PSMA6: variants seen among roughly 807,000 people sequenced by gnomAD.
The protein encoded by PSMA6 is proteasome subunit alpha type-6.
For synonymous variants in PSMA6, 88 were observed against 97.7 expected (o/e 0.90, Z 0.59); for missense variants, 170 against 294.8 (o/e 0.58, Z 3.10).
chr14:35,304,117 C>T (rs980512646), intron 1 of PSMA6, among the ~76,000 whole-genome samples: 13 of 151,974 alleles, frequency 8.6e-5, no homozygotes, highest in Non-Finnish European at 1.8e-4. Context: ...GGATTACAGG[C>T]ACCTGCCACC....
At chr14:35,294,935 A>G (rs1489387874) in intron 1 of PSMA6, among the ~76,000 whole-genome samples, 1 of 152,198 alleles carries the variant, frequency 6.6e-6, no homozygotes, top group Non-Finnish European at 1.5e-5. Context: ...GATGATGATG[A>G]GGGGAGATTA....
chr14:35,310,014 A>C lies in PSMA6; in HGVS notation c.254-726A>C, dbSNP rs1306419869. Among the ~76,000 whole-genome samples, 3 of 152,228 alleles carry C rather than the reference A, an allele frequency of 2.0e-5. No homozygotes were observed. In the East Asian group the frequency reaches 5.8e-4, roughly 29 times the overall value. ...AGCTGGTATGGTGGCACATACCTGT[A>C]GTCCTAGCTACTCAGGAGGCTGAGG... On this transcript the variant is annotated intron_variant, in intron 3 of 6. Transcript: ENST00000261479.
upstream of PSMA6, among the ~76,000 whole-genome samples, chr14:35,290,692 C>T (rs774757936): frequency 3.3e-5 from 5 of 152,196 alleles, no homozygotes; most frequent in Non-Finnish European, 7.3e-5. Flanking sequence ...ATTAGTGTAT[C>T]TTGCCTTCCT....
At chr14:35,296,697 A>G (rs1313058904) in intron 1 of PSMA6, among the ~76,000 whole-genome samples, 1 of 152,150 alleles carries the variant, frequency 6.6e-6, no homozygotes, top group Non-Finnish European at 1.5e-5. Context: ...TGGAGTCAGA[A>G]ATTTCACAAA....
At chr14:35,294,296 G>C (rs530237211) in intron 1 of PSMA6, among the ~76,000 whole-genome samples, 2 of 152,200 alleles carry the variant, frequency 1.3e-5, no homozygotes, top group African/African-American at 4.8e-5. Context: ...CTCCCAAAGT[G>C]CTGGGATTAC....
At chr14:35,315,065 A>G (rs2052020848) in intron 6 of PSMA6, 1 of 151,594 alleles carries the variant, frequency 6.6e-6, no homozygotes, top group South Asian at 2.1e-4. Flanking sequence ...GCTTCGTATA[A>G]TCAGCTCATT....
upstream of PSMA6, among the ~76,000 whole-genome samples, chr14:35,289,302 A>G (rs918266980): frequency 6.6e-6 from 1 of 152,018 alleles, no homozygotes; most frequent in Non-Finnish European, 1.5e-5. Context: ...GTGGGTGGGC[A>G]TGAGGGACAA....
intron 1 of PSMA6, among the ~76,000 whole-genome samples, chr14:35,305,455 A>T (rs1156828921): frequency 6.6e-6 from 1 of 152,064 alleles, no homozygotes; most frequent in African/African-American, 2.4e-5. Flanking sequence ...CTTTAAGGTG[A>T]TTTTTCTAGA....
chr14:35,308,066 T>C lies in PSMA6; in HGVS notation c.149T>C (p.Ile50Thr). 1.2e-6 allele frequency: 2 copies of C among 1,613,944 alleles called. No homozygotes were observed. The highest frequency in any genetic ancestry group is 1.7e-4 in the Middle Eastern group (1 of 6,058). ...GTCAGAGGGAAAGACTGTGCAGTAA[T>C]TGTCACACAGAAGAAAGTACCTGTA... ...VAVRGKDCAV[I>T]VTQKKVPDKL... The change falls in exon 2 of 7, where the codon ATT (isoleucine) becomes ACT (threonine). Residue 50 changes from isoleucine (I) to threonine (T), a missense_variant. Physicochemically the swap from Ile to Thr is moderately conservative, Grantham distance 89. Coordinates refer to ENST00000261479, the MANE Select transcript of PSMA6 (RefSeq NM_002791.3).
intron 1 of PSMA6, chr14:35,293,183 A>T (rs1033755786): frequency 5.8e-6 from 2 of 344,858 alleles, no homozygotes; most frequent in Admixed American, 3.7e-5. Context: ...GAGTGACTCA[A>T]TTCTAGAGCT....
At chr14:35,303,725 C>A (rs1212271763) in intron 1 of PSMA6, among the ~76,000 whole-genome samples, 1 of 152,194 alleles carries the variant, frequency 6.6e-6, no homozygotes, top group Non-Finnish European at 1.5e-5. Context: ...AACCCATATT[C>A]ATGGGTTCAT....
chr14:35,281,663 A>G (rs1455259363), intron 1 of PSMA6, among the ~76,000 whole-genome samples: 2 of 152,234 alleles, frequency 1.3e-5, no homozygotes, highest in Admixed American at 1.3e-4. Flanking sequence ...GGAAACTAAA[A>G]GCCATCTGTT....
exon 1 of PSMA6, chr14:35,292,375 GTACCCCGGAAGCA>G (rs1307851747): frequency 6.5e-7 from 1 of 1,534,346 alleles, no homozygotes; most frequent in African/African-American, 1.4e-5. Flanking sequence ...AACGCGGCTG[GTACCCCGGAAGCA>G]GTCGCTGCAA....
intron 1 of PSMA6, among the ~76,000 whole-genome samples, chr14:35,279,887 G>A (rs2051346498): frequency 6.6e-6 from 1 of 152,200 alleles, no homozygotes; most frequent in Non-Finnish European, 1.5e-5. Context: ...CACTTTGGGA[G>A]GCCGAGGCGG....
At position 35,292,457 on chromosome 14, in the gene PSMA6, A is replaced by G. The variant is rs2051502731; in HGVS notation, c.-20A>G. 3 of 1,611,122 alleles carry G rather than the reference A, an allele frequency of 1.9e-6. No homozygotes were observed. Among genetic ancestry groups the G allele is most frequent in the African/African-American group, 1.3e-5 (1 of 74,796 alleles). ...GCTACGGGGCCCAGGGATTGTGTTTAAAGTAGTGCTTCTACCAACATGTCC... is the reference window on the plus strand; with the variant it reads ...GCTACGGGGCCCAGGGATTGTGTTTGAAGTAGTGCTTCTACCAACATGTCC... On this transcript the variant is annotated 5_prime_UTR_variant, in exon 1 of 7. Transcript: ENST00000261479.
chr14:35,278,856 T>C, intron 1 of PSMA6: 2 of 917,066 alleles, frequency 2.2e-6, no homozygotes, highest in Non-Finnish European at 1.7e-6. Context: ...CTATCCTGTG[T>C]TCCATGGCTG....
intron 1 of PSMA6, among the ~76,000 whole-genome samples, chr14:35,305,808 A>G (rs1262428180): frequency 6.6e-6 from 1 of 152,250 alleles, no homozygotes; most frequent in Non-Finnish European, 1.5e-5. Context: ...TGATTACAAA[A>G]TATGTGCCCA....
chr14:35,292,868 C>G, intron 1 of PSMA6: 1 of 520,062 alleles, frequency 1.9e-6, no homozygotes, highest in Non-Finnish European at 3.6e-6. Flanking sequence ...CTGTCCTGGC[C>G]AGGCACAAGG....
intron 1 of PSMA6, among the ~76,000 whole-genome samples, chr14:35,281,665 C>T (rs2051367250): frequency 6.6e-6 from 1 of 152,188 alleles, no homozygotes; most frequent in African/African-American, 2.4e-5. Flanking sequence ...AAACTAAAAG[C>T]CATCTGTTAT....
Sources: gnomAD v4.1 joint callset for allele counts (sites outside exome capture counted in the v4.1 genomes callset) on GRCh38, gnomAD v4.1.1 for gene constraint, MANE v1.5 for transcripts, NCBI Gene and HGNC (gene_info 2026-07-23, HGNC 2026-07-21) for gene names.